ROS1: variants seen among roughly 807,000 people sequenced by gnomAD.
ROS1 encodes the protein proto-oncogene tyrosine-protein kinase ROS.
Under a neutral mutation model 273.5 loss-of-function variants are expected in ROS1, and 263 were observed. That is an observed-to-expected ratio of 0.96 (90% CI 0.87 to 1.06). The LOEUF (loss-of-function observed/expected upper bound fraction) is 1.06. ROS1 is among the 50% of genes least tolerant of loss of function. ROS1 has a pLI of 0.00. For synonymous variants in ROS1, 1,008 were observed against 954.1 expected (o/e 1.06, Z -1.04); for missense variants, 2,833 against 2,751.1 (o/e 1.03, Z -0.67).
chr6:117,382,837 C>T (rs1270340612), intron 17 of ROS1, among the ~76,000 whole-genome samples: 1 of 151,960 alleles, frequency 6.6e-6, no homozygotes, highest in African/African-American at 2.4e-5. Flanking sequence ...TAATAGTTAA[C>T]AGTCCCATTT....
intron 12 of ROS1, among the ~76,000 whole-genome samples, chr6:117,391,191 T>G (rs1773036514): frequency 6.6e-6 from 1 of 152,220 alleles, no homozygotes; most frequent in African/African-American, 2.4e-5. Flanking sequence ...TTTTGAGATA[T>G]GTAGCTATGT....
rs145830106 is a variant in ROS1, at chr6:117,366,097, T to C, written c.2776A>G (p.Thr926Ala). ...ARFNQFTIIQTSLKPLPGNFS... is the reference protein window; with the variant it reads ...ARFNQFTIIQASLKPLPGNFS... Reference sequence around the variant, plus strand: ...GTACCTGGCAGGGGCTTAAGGGATGTCTGAATAATTGTGAACTGATTAAAT... The same window carrying C: ...GTACCTGGCAGGGGCTTAAGGGATGCCTGAATAATTGTGAACTGATTAAAT... Residue 926 changes from threonine to alanine, a missense_variant, in exon 19 of 44, where the codon ACA (threonine) becomes GCA (alanine). By Grantham distance (58) the Thr-to-Ala change is moderately conservative (BLOSUM62 0). Coordinates refer to ENST00000368507, the MANE Select transcript of ROS1 (RefSeq NM_001378902.1). 3 of 1,613,882 alleles carry C rather than the reference T, an allele frequency of 1.9e-6. No individual in the cohort carries two copies. Among genetic ancestry groups the C allele is most frequent in the African/African-American group, 2.7e-5 (2 of 74,928 alleles).
chr6:117,368,672 C>CAT (rs1394753793), intron 18 of ROS1, among the ~76,000 whole-genome samples: 1 of 151,980 alleles, frequency 6.6e-6, no homozygotes, highest in Non-Finnish European at 1.5e-5. Context: ...ATATTTGATT[C>CAT]ATATATTATG....
chr6:117,341,749 T>C (rs528112295), intron 29 of ROS1, 117 bp from the exon 30 acceptor site: 8 of 716,060 alleles, frequency 1.1e-5, no homozygotes, highest in Middle Eastern at 7.7e-4. Context: ...AAATAACACA[T>C]GTCCAGAAAG....
At chr6:117,302,172 T>A (rs1039750872) in intron 42 of ROS1, among the ~76,000 whole-genome samples, 5 of 152,232 alleles carry the variant, frequency 3.3e-5, no homozygotes, top group African/African-American at 1.2e-4. Flanking sequence ...CTACCTAGCA[T>A]AAGAAAAGAA....
At chr6:117,331,970 G>A (rs1226411733) in intron 32 of ROS1, among the ~76,000 whole-genome samples, 1 of 152,106 alleles carries the variant, frequency 6.6e-6, no homozygotes, top group Non-Finnish European at 1.5e-5. Flanking sequence ...CATGGTGACA[G>A]GATCAAACTC....
Position 117,288,488 on chromosome 6 carries a change from G to T in ROS1, c.*4C>A, listed in dbSNP as rs775318688. ...CTCAACTCTCTATTTCCCAAACAAC[G>T]CTATTAATCAGACCCATCTCCATAT... is the stretch of plus-strand genomic sequence containing the variant. On this transcript the variant is annotated 3_prime_UTR_variant, in exon 44 of 44. Coordinates refer to ENST00000368507, the MANE Select transcript of ROS1 (RefSeq NM_001378902.1). 1 of 1,598,400 alleles carries T rather than the reference G, an allele frequency of 6.3e-7. No individual in the cohort carries two copies. The highest frequency in any genetic ancestry group is 8.5e-7 in the Non-Finnish European group (1 of 1,173,598).
At chr6:117,368,395 C>CT (rs1299535955) in intron 18 of ROS1, among the ~76,000 whole-genome samples, 1 of 151,866 alleles carries the variant, frequency 6.6e-6, no homozygotes, top group Non-Finnish European at 1.5e-5. Flanking sequence ...TAGGTTTACT[C>CT]TTGTATAAAC....
At chr6:117,393,348 G>A (rs368106770) in intron 11 of ROS1, 27 bp from the exon 12 acceptor site, 3 of 1,347,518 alleles carry the variant, frequency 2.2e-6, no homozygotes, top group African/African-American at 2.9e-5. Context: ...TATACCGGTA[G>A]GATTAGCATC....
intron 5 of ROS1, 31 bp from the exon 6 acceptor site, chr6:117,404,459 G>T: frequency 6.2e-7 from 1 of 1,606,556 alleles, no homozygotes; most frequent in East Asian, 2.2e-5. Context: ...CACTCACCAC[G>T]CACTCCTGTC....
rs113238458 is a variant in ROS1, at chr6:117,425,328, C to G, written c.123+206G>C. 4.1e-3 allele frequency among the ~76,000 whole-genome samples: 629 copies of G among 152,112 alleles called. 1 individual carries two copies. The highest frequency in any genetic ancestry group is 6.3e-3 in the Non-Finnish European group (428 of 67,968). On this transcript the variant is annotated intron_variant, in intron 1 of 43. Transcript: ENST00000368507. ...GCCCAAAAAATATATGACCACATACCCTAAAGAAATAAAATAGCCTGCTTT... is the reference window on the plus strand; with the variant it reads ...GCCCAAAAAATATATGACCACATACGCTAAAGAAATAAAATAGCCTGCTTT...
rs1362301601 is a variant in ROS1, at chr6:117,342,403, C to T, written c.4648G>A (p.Gly1550Arg). The T allele has an allele frequency of 6.2e-7, 1 of 1,612,038 alleles. No homozygotes were observed. Among genetic ancestry groups the T allele is most frequent in the Admixed American group, 1.7e-5 (1 of 59,846 alleles). ...CCACAACAAGCCCATAACTTACCTC[C>T]ATTTTTAGTTTTTCCCCAAATCTCT... is the stretch of plus-strand genomic sequence containing the variant. The part of the protein sequence containing the change: ...GKEIWGKTKN[G>R]VPEAVQLINT... The change falls in exon 29 of 44, where the codon GGA becomes AGA. Residue 1550 changes from glycine to arginine, a missense_variant. Gly to Arg is a moderately radical substitution (Grantham distance 125, BLOSUM62 -2). Transcript: ENST00000368507.
chr6:117,345,620 G>C (rs1582687130), intron 27 of ROS1, among the ~76,000 whole-genome samples: 1 of 152,274 alleles, frequency 6.6e-6, no homozygotes, highest in East Asian at 1.9e-4. Flanking sequence ...CATTCAGCAA[G>C]TAAGAAAATT....
intron 7 of ROS1, among the ~76,000 whole-genome samples, chr6:117,401,803 T>TAAAAAAAAA (rs35593860): frequency 1.2e-4 from 11 of 89,180 alleles, no homozygotes; most frequent in East Asian, 6.1e-4. Flanking sequence ...AACTTTTCAG[T>TAAAAAAAAA]AAAAAAAAAA....
chr6:117,368,807 G>A (rs925431762), intron 18 of ROS1, among the ~76,000 whole-genome samples: 1 of 151,780 alleles, frequency 6.6e-6, no homozygotes, highest in East Asian at 1.9e-4. Context: ...AACTTAGTTT[G>A]CAAATTAAGC....
At chr6:117,293,649 C>A (rs1289171929) in intron 43 of ROS1, among the ~76,000 whole-genome samples, 1 of 151,810 alleles carries the variant, frequency 6.6e-6, no homozygotes, top group Non-Finnish European at 1.5e-5. Context: ...ACAGCAAGAA[C>A]AGTTACTGAG....
chr6:117,386,249 G>A (rs913607898), intron 15 of ROS1, among the ~76,000 whole-genome samples: 2 of 152,228 alleles, frequency 1.3e-5, no homozygotes, highest in African/African-American at 4.8e-5. Context: ...CTCAGCCAAT[G>A]CCAAAGTGGC....
At chr6:117,385,294 C>T (rs890333952) in intron 16 of ROS1, among the ~76,000 whole-genome samples, 9 of 152,278 alleles carry the variant, frequency 5.9e-5, no homozygotes, top group South Asian at 4.2e-4. Context: ...GTGGCTCACG[C>T]CTGTAATCCC....
rs769737276 is a variant in ROS1 at position 117,387,992 on chromosome 6, C to G, written c.1787G>C (p.Ser596Thr). The G allele has an allele frequency of 6.2e-7, 1 of 1,614,082 alleles. No homozygotes were observed. The highest frequency in any genetic ancestry group is 1.1e-5 in the South Asian group (1 of 91,080). ...WKPPALAIGA[S>T]PSAWQNWTYE... Reference sequence around the variant, plus strand: ...GGTCCAGTTCTGCCAGGCAGAAGGGCCTAATTCAAAGAGTTCAATAATATC... The same window carrying G: ...GGTCCAGTTCTGCCAGGCAGAAGGGGCTAATTCAAAGAGTTCAATAATATC... Residue 596 changes from serine (S) to threonine (T), a missense_variant and splice_region_variant, in exon 14 of 44, where the codon AGC becomes ACC. Ser to Thr is a moderately conservative substitution (Grantham distance 58, BLOSUM62 1). Coordinates refer to ENST00000368507, the MANE Select transcript of ROS1 (RefSeq NM_001378902.1).
Sources: allele counts gnomAD v4.1 joint callset (sites outside exome capture counted in the v4.1 genomes callset), GRCh38; gene constraint gnomAD v4.1.1; transcripts MANE v1.5; gene names NCBI Gene and HGNC (gene_info 2026-07-23, HGNC 2026-07-21).